The following SHLD2 variants were observed in gnomAD, a reference collection of about 807,000 sequenced individuals.
SHLD2 encodes the protein shieldin complex subunit 2.
Under a neutral mutation model 73.2 loss-of-function variants are expected in SHLD2, and 30 were observed. The ratio of observed to expected loss-of-function variants is 0.41; its 90% CI spans 0.31 to 0.56. SHLD2 has a LOEUF of 0.56. SHLD2 is among the 20% of genes least tolerant of loss of function. SHLD2 has a pLI of 0.28. For missense variants in SHLD2, 745 were observed against 1,055.9 expected, an observed-to-expected ratio of 0.71 and a Z score of 4.08; for synonymous variants, 285 against 370.1, an observed-to-expected ratio of 0.77 and a Z score of 2.64.
chr10:87,174,263 T>G (rs1291160889), intron 6 of SHLD2, among the ~76,000 whole-genome samples: 1 of 149,904 alleles, frequency 6.7e-6, no homozygotes, highest in African/African-American at 2.5e-5. Context: ...TTAAAAGCAA[T>G]GTAGAATAAT....
intron 3 of SHLD2, among the ~76,000 whole-genome samples, chr10:87,157,421 G>A (rs1159551549): frequency 4.6e-5 from 7 of 151,988 alleles, no homozygotes; most frequent in African/African-American, 1.2e-4. Flanking sequence ...CAGCTCACAC[G>A]TTTTGCTCTA....
At chr10:87,129,177 G>A (rs1844254031) in intron 2 of SHLD2, among the ~76,000 whole-genome samples, 1 of 152,090 alleles carries the variant, frequency 6.6e-6, no homozygotes, top group Admixed American at 6.6e-5. Context: ...TGCAACCTCC[G>A]CCTACTGGGT....
At chr10:87,189,577 T>C (rs1195662971) in intron 9 of SHLD2, among the ~76,000 whole-genome samples, 1 of 152,108 alleles carries the variant, frequency 6.6e-6, no homozygotes, top group Non-Finnish European at 1.5e-5. Flanking sequence ...CCCCCCAAAA[T>C]ATGTCATTGG....
chr10:87,140,636 A>G (rs1180678340), intron 2 of SHLD2, among the ~76,000 whole-genome samples: 3 of 151,882 alleles, frequency 2.0e-5, no homozygotes, highest in African/African-American at 4.8e-5. Flanking sequence ...CAAGAAACTC[A>G]GTGAACTCTA....
chr10:87,166,852 G>A (rs545385866), intron 4 of SHLD2, among the ~76,000 whole-genome samples: 5 of 152,054 alleles, frequency 3.3e-5, no homozygotes, highest in South Asian at 2.1e-4. Flanking sequence ...GTGTGGTTTT[G>A]CCCAGTTGAA....
intron 2 of SHLD2, among the ~76,000 whole-genome samples, chr10:87,125,397 A>C (rs1843922286): frequency 6.6e-6 from 1 of 152,150 alleles, no homozygotes; most frequent in Non-Finnish European, 1.5e-5. Context: ...ATCATTGTGG[A>C]CATTGACTAC....
Position 87,151,937 on chromosome 10 carries a change from C to A in SHLD2, c.583C>A (p.Gln195Lys). 6.2e-7 allele frequency: 1 copy of A among 1,611,404 alleles called. No homozygotes were observed. The highest frequency in any genetic ancestry group is 8.5e-7 in the Non-Finnish European group (1 of 1,179,460). Residue 195 changes from glutamine to lysine, a missense_variant, in exon 3 of 10, where the codon CAA (glutamine) becomes AAA (lysine). Gln to Lys is a moderately conservative substitution (Grantham distance 53). Around this residue, in one of 5 missense-constraint regions of SHLD2, gnomAD observed 280 missense variants for 353.9 expected, o/e 0.79. Transcript: ENST00000298786. ...EKINIGPEVV[Q>K]RECVPTEYHE... ...AATTAATATAGGGCCTGAAGTGGTACAAAGAGAGTGTGTGCCAACAGAATA... is the reference window on the plus strand; with the variant it reads ...AATTAATATAGGGCCTGAAGTGGTAAAAAGAGAGTGTGTGCCAACAGAATA...
At chr10:87,116,705 G>GA (rs1042073741) in intron 2 of SHLD2, among the ~76,000 whole-genome samples, 67 of 152,036 alleles carry the variant, frequency 4.4e-4, no homozygotes, top group African/African-American at 1.5e-3. Context: ...GGAATACTTA[G>GA]AAAAAATGGA....
At position 87,151,667 on chromosome 10, in the gene SHLD2, CA is replaced by C; in HGVS notation, c.314del (p.Gln105ArgfsTer8). ...SVSETQNIES[Q>X]KIHSSRLSDI... is the part of the protein sequence containing the mutation. ...TTCTGAAACACAGAATATAGAATCC[CA>C]GAAGATTCACTCCTCTAGACTGAGT... On this transcript the variant is annotated frameshift_variant, in exon 3 of 10. Transcript: ENST00000298786. LOFTEE classifies it high-confidence loss of function. 6.2e-7 allele frequency: 1 copy of C among 1,611,656 alleles called. No individual in the cohort carries two copies. The highest frequency in any genetic ancestry group is 8.5e-7 in the Non-Finnish European group (1 of 1,179,646).
At chr10:87,095,196 A>T (rs1841721881), upstream of SHLD2, 1 of 134,172 alleles carries the variant, frequency 7.5e-6, no homozygotes, top group African/African-American at 2.8e-5. Context: ...GGGCGGGCCC[A>T]CGGGCGGCCG....
intron 2 of SHLD2, among the ~76,000 whole-genome samples, chr10:87,136,030 T>A (rs938933541): frequency 2.0e-5 from 3 of 151,784 alleles, no homozygotes; most frequent in Admixed American, 6.6e-5. Flanking sequence ...GGGCAAAGTG[T>A]CTATATAAAT....
chr10:87,118,650 G>C (rs916739788), intron 2 of SHLD2, among the ~76,000 whole-genome samples: 26 of 148,754 alleles, frequency 1.7e-4, no homozygotes, highest in Non-Finnish European at 2.8e-4. Flanking sequence ...TTAGAGACAG[G>C]GTCTTGCTAT....
intron 2 of SHLD2, among the ~76,000 whole-genome samples, chr10:87,141,826 T>G (rs1453827873): frequency 1.3e-5 from 2 of 151,066 alleles, no homozygotes; most frequent in Non-Finnish European, 3.0e-5. Context: ...AGGTCAGGAG[T>G]TCAAGACTAG....
intron 2 of SHLD2, among the ~76,000 whole-genome samples, chr10:87,144,934 ATTCTTT>A (rs1238832966): frequency 9.6e-6 from 1 of 104,434 alleles, no homozygotes; most frequent in Non-Finnish European, 1.9e-5. Context: ...CCGGCCTGTA[ATTCTTT>A]TTTTTTTTTT....
chr10:87,111,826 A>ATT (rs1842944094), intron 2 of SHLD2, among the ~76,000 whole-genome samples: 3 of 152,086 alleles, frequency 2.0e-5, no homozygotes, highest in African/African-American at 7.2e-5. Flanking sequence ...GAAAGTGAAA[A>ATT]GACAACCTAC....
chr10:87,156,986 G>GTAGT (rs1294570634), intron 3 of SHLD2, among the ~76,000 whole-genome samples: 3 of 152,190 alleles, frequency 2.0e-5, no homozygotes, highest in African/African-American at 7.2e-5. Flanking sequence ...ATGTAAAACA[G>GTAGT]TAGTAGTGGT....
chr10:87,114,038 G>A (rs1445568881), intron 2 of SHLD2: 4 of 151,700 alleles, frequency 2.6e-5, no homozygotes, highest in Admixed American at 2.0e-4. Flanking sequence ...TATTTGCTTT[G>A]GAATTAAATA....
chr10:87,096,630 A>G (rs981516551), intron 1 of SHLD2, among the ~76,000 whole-genome samples: 4 of 152,174 alleles, frequency 2.6e-5, no homozygotes, highest in African/African-American at 9.7e-5. Context: ...GCCAAACACC[A>G]CATTACTAGC....
chr10:87,135,752 C>T (rs1844759703), intron 2 of SHLD2, among the ~76,000 whole-genome samples: 1 of 151,074 alleles, frequency 6.6e-6, no homozygotes, highest in Non-Finnish European at 1.5e-5. Context: ...CCTCCCACTT[C>T]AGCCTCCCAA....
Sources: allele counts gnomAD v4.1 joint callset (sites outside exome capture counted in the v4.1 genomes callset), GRCh38; gene constraint gnomAD v4.1.1; regional missense constraint gnomAD v4.1.1; transcripts MANE v1.5; gene names NCBI Gene and HGNC (gene_info 2026-07-23, HGNC 2026-07-21).